The following MTA3 variants were observed in gnomAD, a reference collection of about 807,000 sequenced individuals.
The protein encoded by MTA3 is metastasis-associated protein MTA3.
MTA3 carries 34 observed loss-of-function variants against 83.5 expected under a neutral mutation model. The observed-to-expected ratio is 0.41, with a 90% CI of 0.31 to 0.54. The LOEUF (loss-of-function observed/expected upper bound fraction) is 0.54, where lower values mean the gene tolerates loss of function less well. MTA3 is among the 20% of genes least tolerant of loss of function. The pLI, the probability that MTA3 is intolerant of heterozygous loss-of-function variation, is 0.33. For missense variants in MTA3, 761 were observed against 726.4 expected (o/e 1.05, Z -0.55); for synonymous variants, 303 against 252.7 (o/e 1.20, Z -1.89).
At chr2:42,687,877 A>G (rs1170948030) in intron 9 of MTA3, among the ~76,000 whole-genome samples, 2 of 152,088 alleles carry the variant, frequency 1.3e-5, no homozygotes, top group African/African-American at 4.8e-5. Context: ...CCCCTTCTTC[A>G]TCTCTGACTC....
intron 8 of MTA3, among the ~76,000 whole-genome samples, chr2:42,671,890 G>T (rs1437367939): frequency 6.6e-6 from 1 of 152,094 alleles, no homozygotes; most frequent in Non-Finnish European, 1.5e-5. Context: ...TGTCACATCA[G>T]ACTAGTAAAA....
intron 2 of MTA3, among the ~76,000 whole-genome samples, chr2:42,560,271 G>A (rs1488595631): frequency 1.3e-5 from 2 of 151,282 alleles, no homozygotes; most frequent in African/African-American, 2.4e-5. Flanking sequence ...ATCTGCCTGC[G>A]TCGGCCTCCC....
chr2:42,552,784 T>G (rs1677176689), intron 2 of MTA3, among the ~76,000 whole-genome samples: 1 of 151,252 alleles, frequency 6.6e-6, no homozygotes, highest in Admixed American at 6.6e-5. Flanking sequence ...GCCCCGTCTC[T>G]ACTAAAAATA....
chr2:42,755,714 C>T lies in MTA3; in HGVS notation c.*2315C>T, dbSNP rs1670194131. 1 of 985,576 alleles carries T rather than the reference C, an allele frequency of 1.0e-6. No homozygotes were observed. The highest frequency in any genetic ancestry group is 1.2e-6 in the Non-Finnish European group (1 of 830,064). 61.1% of individuals were successfully genotyped at this position (985,576 alleles called of 1,614,324 possible). On this transcript the variant is annotated 3_prime_UTR_variant, in exon 17 of 17. Transcript: ENST00000405094. The stretch of plus-strand genomic sequence containing the variant: ...TTTGGTGCTGAGAGGGTTTCCCAGC[C>T]ACCCGCTCCCTTTCTGGGGCCATGG...
intron 2 of MTA3, among the ~76,000 whole-genome samples, chr2:42,547,060 C>A (rs1676790585): frequency 6.6e-6 from 1 of 152,174 alleles, no homozygotes; most frequent in Admixed American, 6.6e-5. Flanking sequence ...CTGATGACTA[C>A]AGTCTATGGA....
intron 9 of MTA3, among the ~76,000 whole-genome samples, chr2:42,695,408 G>A (rs1473938998): frequency 6.6e-6 from 1 of 151,862 alleles, no homozygotes; most frequent in African/African-American, 2.4e-5. Context: ...GCCGAGGCGG[G>A]CAGATCACCT....
At chr2:42,509,674 G>A (rs1449990088) in intron 2 of MTA3, among the ~76,000 whole-genome samples, 2 of 152,060 alleles carry the variant, frequency 1.3e-5, no homozygotes, top group Admixed American at 1.3e-4. Flanking sequence ...GGGAGGCTGA[G>A]GTGGGAGGTT....
chr2:42,754,561 G>C lies in MTA3; in HGVS notation c.*1162G>C, dbSNP rs1670110031. 2.0e-6 allele frequency: 2 copies of C among 985,336 alleles called. No individual in the cohort carries two copies. The highest frequency in any genetic ancestry group is 9.4e-5 in the South Asian group (2 of 21,288). The allele number at this position is 985,336 out of a possible 1,614,324, so 61.0% of individuals were successfully genotyped here. A position where few individuals can be genotyped will look rare whatever the true frequency, so the allele number is the denominator to read the frequency against. On this transcript the variant is annotated 3_prime_UTR_variant, in exon 17 of 17. Coordinates refer to ENST00000405094, the MANE Select transcript of MTA3 (RefSeq NM_001330442.2). ...ACTTGTGCTGGCAGCTGCAAGGATA[G>C]GAATAGCTCAGCGCCCGATGAGCTC... is the stretch of plus-strand genomic sequence containing the variant.
intron 7 of MTA3, among the ~76,000 whole-genome samples, chr2:42,658,914 A>G (rs1248874601): frequency 1.3e-5 from 2 of 150,422 alleles, no homozygotes; most frequent in African/African-American, 4.9e-5. Flanking sequence ...GTCTACAGAA[A>G]ATTTTTTTTA....
At chr2:42,741,195 C>T (rs752151492) in intron 16 of MTA3, among the ~76,000 whole-genome samples, 1 of 152,360 alleles carries the variant, frequency 6.6e-6, no homozygotes, top group African/African-American at 2.4e-5. Context: ...TTCCTCACCT[C>T]TCTCAGTCTT....
intron 4 of MTA3, among the ~76,000 whole-genome samples, chr2:42,633,695 TC>T (rs758222964): frequency 2.6e-5 from 4 of 151,960 alleles, no homozygotes; most frequent in Admixed American, 6.6e-5. Context: ...ATCGAGACCA[TC>T]CTGGCTAACA....
At chr2:42,661,071 A>G (rs1207148048) in intron 8 of MTA3, among the ~76,000 whole-genome samples, 1 of 152,228 alleles carries the variant, frequency 6.6e-6, no homozygotes, top group Non-Finnish European at 1.5e-5. Flanking sequence ...TTTCTCAAAG[A>G]CTAGAATTGT....
At chr2:42,740,998 C>T (rs1299493131) in intron 16 of MTA3, among the ~76,000 whole-genome samples, 1 of 152,248 alleles carries the variant, frequency 6.6e-6, no homozygotes, top group Non-Finnish European at 1.5e-5. Flanking sequence ...GCTGTTTTGT[C>T]TACATTGAAA....
At chr2:42,511,911 G>C (rs1401774484) in intron 2 of MTA3, 2 of 151,930 alleles carry the variant, frequency 1.3e-5, no homozygotes, top group African/African-American at 4.8e-5. Context: ...CAGCTGCTGG[G>C]GAGTCTGAAG....
rs59628946 is a variant in MTA3 at position 42,658,071 on chromosome 2, C to CAAAAA, written c.603-1667_603-1663dup. On this transcript the variant is annotated intron_variant, in intron 7 of 16. Coordinates refer to ENST00000405094, the MANE Select transcript of MTA3 (RefSeq NM_001330442.2). ...TGGGCGACAGAGGAAGACTCTGTCT[C>CAAAAA]AAAAAAAAAAAAAAAAAAAAAAAAA... is the stretch of plus-strand genomic sequence containing the variant. Among the ~76,000 whole-genome samples, 11 of 51,930 alleles carry CAAAAA rather than the reference C, an allele frequency of 2.1e-4. 1 individual carries two copies. The highest frequency in any genetic ancestry group is 7.9e-4 in the African/African-American group (10 of 12,638). The allele number at this position is 51,930 out of a possible 152,430, so 34.1% of individuals were successfully genotyped here.
At chr2:42,732,350 G>T (rs1471688207) in intron 16 of MTA3, among the ~76,000 whole-genome samples, 1 of 152,212 alleles carries the variant, frequency 6.6e-6, no homozygotes, top group Admixed American at 6.5e-5. Context: ...AGCTGCCAAG[G>T]CTTGGGGTTT....
At chr2:42,665,809 A>G (rs890363622) in intron 8 of MTA3, among the ~76,000 whole-genome samples, 3 of 152,240 alleles carry the variant, frequency 2.0e-5, no homozygotes, top group African/African-American at 7.2e-5. Flanking sequence ...CCGAAGGGAC[A>G]AAACAATACA....
At chr2:42,634,533 G>T (rs970980142) in intron 4 of MTA3, among the ~76,000 whole-genome samples, 1 of 152,110 alleles carries the variant, frequency 6.6e-6, no homozygotes, top group African/African-American at 2.4e-5. Flanking sequence ...TCATGAAACT[G>T]CCCCCGTGAT....
chr2:42,525,217 G>C (rs1184326017), intron 2 of MTA3, among the ~76,000 whole-genome samples: 1 of 139,456 alleles, frequency 7.2e-6, no homozygotes, highest in South Asian at 2.3e-4. Flanking sequence ...TTTGAATTTT[G>C]AGTTTGGGGT....
Sources: allele counts gnomAD v4.1 joint callset (sites outside exome capture counted in the v4.1 genomes callset), GRCh38; gene constraint gnomAD v4.1.1; transcripts MANE v1.5; gene names NCBI Gene and HGNC (gene_info 2026-07-23, HGNC 2026-07-21).